The following MBOAT2 variants were observed in gnomAD, a reference collection of about 807,000 sequenced individuals.
MBOAT2 encodes the protein membrane bound glycerophospholipid O-acyltransferase 2, also known as membrane-bound glycerophospholipid O-acyltransferase 2.
In MBOAT2, 28 loss-of-function variants were observed where a neutral mutation model predicts 63.4. That is an observed-to-expected ratio of 0.44 (90% CI 0.33 to 0.61). MBOAT2 has a LOEUF of 0.61. Among genes scored for constraint, MBOAT2 ranks in the 20% least tolerant of loss-of-function variants. MBOAT2 has a pLI of 0.03. For synonymous variants in MBOAT2, 211 were observed against 215.6 expected, an observed-to-expected ratio of 0.98 and a Z score of 0.19; for missense variants, 470 against 605.8, an observed-to-expected ratio of 0.78 and a Z score of 2.35.
At position 8,862,348 on chromosome 2, in the gene MBOAT2, G is replaced by A; in HGVS notation, c.1185+242C>T. The A allele has an allele frequency of 1.0e-5, 15 of 1,434,816 alleles. No homozygotes were observed. The highest frequency in any genetic ancestry group is 1.4e-5 in the Non-Finnish European group (15 of 1,081,766). The allele number at this position is 1,434,816 out of a possible 1,614,324, so 88.9% of individuals were successfully genotyped here. A position where few individuals can be genotyped will look rare whatever the true frequency, so the allele number is the denominator to read the frequency against. ...CTGTAAAGACAAAGTAACATTTTGT[G>A]AGTGCCTCCTACCTGCCGGGCACAT... is the stretch of plus-strand genomic sequence containing the variant. On this transcript the variant is annotated intron_variant, in intron 11 of 12. Coordinates refer to ENST00000305997, the MANE Select transcript of MBOAT2 (RefSeq NM_138799.4). This position sits in a 1 kb window ranked among gnomAD's most constrained non-coding sequence, Gnocchi z 4.3.
chr2:8,943,837 G>A (rs972920249), intron 2 of MBOAT2, among the ~76,000 whole-genome samples: 14 of 152,164 alleles, frequency 9.2e-5, no homozygotes, highest in African/African-American at 2.7e-4. Flanking sequence ...TTGCTGTAAC[G>A]TATCTACAAA....
rs375049894 is a variant in MBOAT2 at position 8,877,192 on chromosome 2, C to T, written c.528G>A (p.Glu176=). 1 of 1,611,774 alleles carries T rather than the reference C, an allele frequency of 6.2e-7. No individual in the cohort carries two copies. The highest frequency in any genetic ancestry group is 1.3e-5 in the African/African-American group (1 of 74,796). ...LAVRRMPSLL[E]YLSYNCNFMG... is the part of the protein sequence containing the mutation. ...TGAAGTTACAGTTGTAACTCAAATA[C>T]TCCAGTAAGCTTGGCATGCGCCTGC... Residue 176 remains glutamate, a synonymous_variant, in exon 7 of 13, where the codon GAG becomes GAA. Transcript: ENST00000305997.
rs114536991 is a variant in MBOAT2 at position 8,864,063 on chromosome 2, A to G, written c.1052+107T>C. The stretch of plus-strand genomic sequence containing the variant: ...TTTCCCGGCTGACACTGAGGTCACA[A>G]TGTCACTCAACACCGTTAATTTAAT... On this transcript the variant is annotated intron_variant, in intron 10 of 12. Transcript: ENST00000305997. The G allele has an allele frequency of 1.1e-3, 773 of 724,408 alleles. 2 individuals carry two copies. The African/African-American group carries it at 0.012, about 11-fold the overall frequency. 44.9% of individuals were successfully genotyped at this position (724,408 alleles called of 1,614,324 possible).
chr2:8,990,216 G>A (rs1671834125), intron 1 of MBOAT2, among the ~76,000 whole-genome samples: 1 of 152,184 alleles, frequency 6.6e-6, no homozygotes, highest in South Asian at 2.1e-4. Context: ...ACTAGAAGTT[G>A]CACCTTTGCT....
At chr2:8,933,958 T>G (rs1021826583) in intron 3 of MBOAT2, among the ~76,000 whole-genome samples, 3 of 152,174 alleles carry the variant, frequency 2.0e-5, no homozygotes, top group African/African-American at 4.8e-5. Flanking sequence ...TAAAGTTAAT[T>G]CAAATGTAAC....
Position 8,877,193 on chromosome 2 carries a change from T to G in MBOAT2, c.527A>C (p.Glu176Ala). Residue 176 changes from glutamate (E) to alanine (A), a missense_variant, in exon 7 of 13, where the codon GAG (glutamate) becomes GCG (alanine). Glu to Ala is a moderately radical substitution (Grantham distance 107, BLOSUM62 -1). This residue lies in a region of MBOAT2 where 376 missense variants were observed against 503.8 expected (regional missense o/e 0.75). Coordinates refer to ENST00000305997, the MANE Select transcript of MBOAT2 (RefSeq NM_138799.4). Reference sequence around the variant, plus strand: ...GAAGTTACAGTTGTAACTCAAATACTCCAGTAAGCTTGGCATGCGCCTGCA... The same window carrying G: ...GAAGTTACAGTTGTAACTCAAATACGCCAGTAAGCTTGGCATGCGCCTGCA... ...LAVRRMPSLL[E>A]YLSYNCNFMG... 6.2e-7 allele frequency: 1 copy of G among 1,611,772 alleles called. No homozygotes were observed. Among genetic ancestry groups the G allele is most frequent in the Non-Finnish European group, 8.5e-7 (1 of 1,179,288 alleles).
intron 1 of MBOAT2, among the ~76,000 whole-genome samples, chr2:8,986,316 C>G (rs1671562239): frequency 6.6e-6 from 1 of 151,710 alleles, no homozygotes; most frequent in African/African-American, 2.4e-5. Flanking sequence ...TGGCTCATAT[C>G]TATAATCCCA....
At chr2:8,944,706 T>C (rs1668292629) in intron 2 of MBOAT2, among the ~76,000 whole-genome samples, 3 of 151,938 alleles carry the variant, frequency 2.0e-5, no homozygotes, top group Admixed American at 1.3e-4. Context: ...TGGCCTTTTT[T>C]TAATACCATT....
chr2:8,939,630 G>C (rs1667908795), intron 3 of MBOAT2, among the ~76,000 whole-genome samples: 1 of 152,200 alleles, frequency 6.6e-6, no homozygotes, highest in South Asian at 2.1e-4. Flanking sequence ...ACAGGTCCTA[G>C]GAAACGGGCT....
intron 6 of MBOAT2, 100 bp downstream of exon 6, chr2:8,882,411 A>C (rs1663205992): frequency 8.7e-7 from 1 of 1,147,330 alleles, no homozygotes; most frequent in Non-Finnish European, 1.3e-6. Flanking sequence ...TTCAGAAGTA[A>C]GTACCTCTAG....
intron 3 of MBOAT2, among the ~76,000 whole-genome samples, chr2:8,931,132 A>G (rs561508824): frequency 1.3e-5 from 2 of 152,294 alleles, no homozygotes; most frequent in South Asian, 4.1e-4. Context: ...TGGTTGACTA[A>G]TTTACATTCC....
rs368466160 is a variant in MBOAT2 at position 8,877,217 on chromosome 2, C to T, written c.507-4G>A. On this transcript the variant is annotated splice_polypyrimidine_tract_variant and splice_region_variant and intron_variant, in intron 6 of 12. Transcript: ENST00000305997. ...CTCCAGTAAGCTTGGCATGCGCCTG[C>T]AATGAAAAGACATGCAACCAGTGAG... 1.0e-5 allele frequency: 16 copies of T among 1,607,362 alleles called. No homozygotes were observed. The highest frequency in any genetic ancestry group is 1.7e-4 in the Middle Eastern group (1 of 6,046).
intron 1 of MBOAT2, among the ~76,000 whole-genome samples, chr2:8,990,947 C>T (rs1671884031): frequency 1.3e-5 from 2 of 152,178 alleles, no homozygotes; most frequent in Non-Finnish European, 2.9e-5. Flanking sequence ...TCCAAAGATA[C>T]TAAGTACTAG....
At chr2:8,929,750 C>G (rs532420297) in intron 3 of MBOAT2, among the ~76,000 whole-genome samples, 1 of 152,172 alleles carries the variant, frequency 6.6e-6, no homozygotes, top group Non-Finnish European at 1.5e-5. Context: ...AGTAATGGGA[C>G]TGCTGGGTCA....
At chr2:8,900,454 C>A (rs908461680) in intron 4 of MBOAT2, among the ~76,000 whole-genome samples, 1 of 152,178 alleles carries the variant, frequency 6.6e-6, no homozygotes, top group African/African-American at 2.4e-5. Flanking sequence ...CATCTGAAAA[C>A]TTCCCCAGGT....
intron 1 of MBOAT2, among the ~76,000 whole-genome samples, chr2:8,979,865 C>T (rs919664982): frequency 1.3e-5 from 2 of 152,122 alleles, no homozygotes; most frequent in Non-Finnish European, 2.9e-5. Context: ...TCCTGATACG[C>T]AGACTCCACT....
intron 7 of MBOAT2, among the ~76,000 whole-genome samples, chr2:8,874,409 G>A (rs1422344641): frequency 6.6e-6 from 1 of 152,018 alleles, no homozygotes; most frequent in African/African-American, 2.4e-5. Context: ...TTTTAAAATG[G>A]TAGAGAAAAA....
intron 8 of MBOAT2, among the ~76,000 whole-genome samples, chr2:8,871,953 T>C (rs932194362): frequency 2.6e-5 from 4 of 152,166 alleles, no homozygotes; most frequent in African/African-American, 9.7e-5. Context: ...ACAATACATA[T>C]ATAAAAGAGG....
intron 9 of MBOAT2, among the ~76,000 whole-genome samples, chr2:8,866,298 G>GGT (rs1315283889): frequency 6.6e-6 from 1 of 152,002 alleles, no homozygotes; most frequent in Non-Finnish European, 1.5e-5. Context: ...TGTATCAATA[G>GGT]GTATACAGAT....
Sources: gnomAD v4.1 joint callset for allele counts (sites outside exome capture counted in the v4.1 genomes callset) on GRCh38, gnomAD v4.1.1 for gene constraint, gnomAD v4.1.1 regional missense constraint, Gnocchi (gnomAD v3.1) non-coding constraint, MANE v1.5 for transcripts, NCBI Gene and HGNC (gene_info 2026-07-23, HGNC 2026-07-21) for gene names.